CDH2: variants seen among roughly 807,000 people sequenced by gnomAD.
The protein encoded by CDH2 is cadherin-2.
Under a neutral mutation model 92.0 loss-of-function variants are expected in CDH2, and 17 were observed. The ratio of observed to expected loss-of-function variants is 0.18; its 90% CI spans 0.13 to 0.28. The LOEUF (loss-of-function observed/expected upper bound fraction) is 0.28. CDH2 is among the 10% of genes least tolerant of loss of function. CDH2 has a pLI of 1.00. For synonymous variants in CDH2, 419 were observed against 415.9 expected, an observed-to-expected ratio of 1.01 and a Z score of -0.09; for missense variants, 862 against 1,133.1, an observed-to-expected ratio of 0.76 and a Z score of 3.44.
intron 2 of CDH2, among the ~76,000 whole-genome samples, chr18:28,022,710 T>G (rs1320920598): frequency 6.6e-6 from 1 of 152,170 alleles, no homozygotes; most frequent in Non-Finnish European, 1.5e-5. Flanking sequence ...TTTTTCCTAT[T>G]AAGTACTTCA....
chr18:28,049,869 A>C (rs2014156273), intron 2 of CDH2, among the ~76,000 whole-genome samples: 2 of 152,240 alleles, frequency 1.3e-5, no homozygotes, highest in Non-Finnish European at 2.9e-5. Flanking sequence ...TATTGGCAGA[A>C]TATACTTTCC....
At chr18:28,133,913 C>T (rs2015817745) in intron 2 of CDH2, among the ~76,000 whole-genome samples, 1 of 152,104 alleles carries the variant, frequency 6.6e-6, no homozygotes, top group African/African-American at 2.4e-5. Flanking sequence ...AATCCCAACA[C>T]TCTGGGAGGC....
intron 1 of CDH2, 123 bp from the exon 2 acceptor site, chr18:28,147,907 T>C: frequency 1.6e-6 from 1 of 608,996 alleles, no homozygotes; most frequent in Non-Finnish European, 2.9e-6. Flanking sequence ...CCCCTTTGTT[T>C]CCAAGTGCTT....
intron 2 of CDH2, among the ~76,000 whole-genome samples, chr18:28,086,055 C>A (rs1348338582): frequency 6.6e-6 from 1 of 152,030 alleles, no homozygotes; most frequent in African/African-American, 2.4e-5. Flanking sequence ...GAATACAAGA[C>A]CTTTGAGACC....
chr18:27,941,511 G>C (rs1909139744), intron 6 of CDH2, among the ~76,000 whole-genome samples: 1 of 152,120 alleles, frequency 6.6e-6, no homozygotes, highest in Non-Finnish European at 1.5e-5. Flanking sequence ...CTGGTATTAA[G>C]TTCTTGTAAA....
At chr18:27,983,624 G>A (rs994787681) in intron 13 of CDH2, among the ~76,000 whole-genome samples, 1 of 152,156 alleles carries the variant, frequency 6.6e-6, no homozygotes, top group Non-Finnish European at 1.5e-5. Context: ...CCCAGAGGCC[G>A]GTGCATGTTT....
At chr18:28,062,042 A>T (rs1266037562) in intron 2 of CDH2, among the ~76,000 whole-genome samples, 1 of 152,202 alleles carries the variant, frequency 6.6e-6, no homozygotes, top group African/African-American at 2.4e-5. Context: ...TCCTTTTGAC[A>T]GCCACATAGT....
intron 1 of CDH2, chr18:28,168,573 T>G: frequency 2.8e-6 from 1 of 353,994 alleles, no homozygotes; most frequent in Non-Finnish European, 4.0e-6. Flanking sequence ...GTTCCAAGAT[T>G]CATTAAAAAA....
intron 2 of CDH2, among the ~76,000 whole-genome samples, chr18:28,026,119 A>G (rs2013547018): frequency 6.6e-6 from 1 of 152,160 alleles, no homozygotes; most frequent in African/African-American, 2.4e-5. Flanking sequence ...AAGAAGCCAA[A>G]TTCATGTAGC....
chr18:27,973,242 T>C (rs914234332), intron 14 of CDH2, among the ~76,000 whole-genome samples: 1 of 151,906 alleles, frequency 6.6e-6, no homozygotes, highest in Non-Finnish European at 1.5e-5. Flanking sequence ...ATCAACTTCA[T>C]TGAAAAAAAG....
Position 28,003,051 on chromosome 18 carries a change from T to G in CDH2, c.966A>C (p.Thr322=). 6.2e-7 allele frequency: 1 copy of G among 1,614,092 alleles called. No homozygotes were observed. Among genetic ancestry groups the G allele is most frequent in the South Asian group, 1.1e-5 (1 of 91,076 alleles). Residue 322 remains threonine (T), a synonymous_variant, in exon 7 of 16, where the codon ACA becomes ACC. Coordinates refer to ENST00000269141, the MANE Select transcript of CDH2 (RefSeq NM_001792.5). ...APSTPSPNMF[T]INNETGDIIT... ...TGATGTCACCAGTCTCATTGTTGAT[T>G]GTAAACATGTTGGGTGAAGGGGTGC... is the stretch of plus-strand genomic sequence containing the variant.
At chr18:28,101,043 T>C (rs1456248631) in intron 2 of CDH2, among the ~76,000 whole-genome samples, 1 of 152,182 alleles carries the variant, frequency 6.6e-6, no homozygotes, top group African/African-American at 2.4e-5. Flanking sequence ...TCATATTTGT[T>C]CTCAACACAC....
intron 1 of CDH2, among the ~76,000 whole-genome samples, chr18:28,160,674 C>T (rs1305185233): frequency 6.6e-6 from 1 of 152,166 alleles, no homozygotes; most frequent in Non-Finnish European, 1.5e-5. Context: ...AGACTGAAAA[C>T]ACCTGTTCCA....
chr18:28,038,422 A>AGTGTGTGTGTGT lies in CDH2; in HGVS notation c.173-24525_173-24514dup, dbSNP rs57601293. ...TGGGTGACAGTGAGACCTTGTCTCA[A>AGTGTGTGTGTGT]GTGTGTGTGTGTGTGTGTGTGTGTG... On this transcript the variant is annotated intron_variant, in intron 2 of 15. Transcript: ENST00000269141. Among the ~76,000 whole-genome samples the AGTGTGTGTGTGT allele has an allele frequency of 3.2e-4, 45 of 142,382 alleles. 1 individual carries two copies. The highest frequency in any genetic ancestry group is 9.6e-4 in the African/African-American group (37 of 38,490). 93.4% of individuals were successfully genotyped at this position (142,382 alleles called of 152,430 possible).
intron 14 of CDH2, among the ~76,000 whole-genome samples, chr18:27,979,138 T>A (rs894719858): frequency 6.6e-6 from 1 of 152,160 alleles, no homozygotes; most frequent in Non-Finnish European, 1.5e-5. Context: ...ATATCTATAA[T>A]CTATAAGGAC....
intron 2 of CDH2, among the ~76,000 whole-genome samples, chr18:28,128,812 G>A (rs1044126659): frequency 4.6e-5 from 7 of 152,114 alleles, no homozygotes; most frequent in Admixed American, 2.0e-4. Context: ...CATGATTAAT[G>A]AGGCTACCTT....
At chr18:28,014,219 C>A (rs1344141250) in intron 2 of CDH2, among the ~76,000 whole-genome samples, 2 of 152,048 alleles carry the variant, frequency 1.3e-5, no homozygotes, top group East Asian at 3.9e-4. Flanking sequence ...TATTTCCTCC[C>A]ACCCTATTAC....
intron 6 of CDH2, among the ~76,000 whole-genome samples, chr18:27,940,619 T>A (rs1909113417): frequency 6.6e-6 from 1 of 152,198 alleles, no homozygotes; most frequent in Admixed American, 6.5e-5. Context: ...TCTCCTTGGC[T>A]CCCATTATAG....
In CDH2 at chr18:28,043,461, AATATATATATATATAT is replaced by A. The variant is rs1158754890; in HGVS notation, c.173-29568_173-29553del. On this transcript the variant is annotated intron_variant, in intron 2 of 15. Coordinates refer to ENST00000269141, the MANE Select transcript of CDH2 (RefSeq NM_001792.5). The stretch of plus-strand genomic sequence containing the variant: ...ACCCTAAAAATTACTGATATAAATA[AATATATATATATATAT>A]ATATATATATATATATAAATATATA... Among the ~76,000 whole-genome samples, 16 of 71,968 alleles carry A rather than the reference AATATATATATATATAT, an allele frequency of 2.2e-4. No homozygotes were observed. In the East Asian group the frequency reaches 3.8e-3, roughly 17 times the overall value. The allele number at this position is 71,968 out of a possible 152,430, so 47.2% of individuals were successfully genotyped here. A position where few individuals can be genotyped will look rare whatever the true frequency, so the allele number is the denominator to read the frequency against.
Sources: allele counts gnomAD v4.1 joint callset (sites outside exome capture counted in the v4.1 genomes callset), GRCh38; gene constraint gnomAD v4.1.1; transcripts MANE v1.5; gene names NCBI Gene and HGNC (gene_info 2026-07-23, HGNC 2026-07-21).